ZDHHC14: variants seen among roughly 807,000 people sequenced by gnomAD.
ZDHHC14 encodes the protein palmitoyltransferase ZDHHC14.
Under a neutral mutation model 47.7 loss-of-function variants are expected in ZDHHC14, and 16 were observed. The ratio of observed to expected loss-of-function variants is 0.34; its 90% CI spans 0.23 to 0.51. ZDHHC14 has a LOEUF of 0.51. Ranked by LOEUF, ZDHHC14 falls within the 20% of genes least tolerant of loss-of-function variation. The pLI, the probability that ZDHHC14 is intolerant of heterozygous loss-of-function variation, is 0.97. For synonymous variants in ZDHHC14, 293 were observed against 278.9 expected, an observed-to-expected ratio of 1.05 and a Z score of -0.50; for missense variants, 515 against 662.5, an observed-to-expected ratio of 0.78 and a Z score of 2.44.
At chr6:157,601,924 C>G (rs961219211) in intron 3 of ZDHHC14, among the ~76,000 whole-genome samples, 8 of 152,196 alleles carry the variant, frequency 5.3e-5, no homozygotes, top group African/African-American at 1.9e-4. Context: ...GCATTCAGGG[C>G]TGGGCGCGGT....
chr6:157,580,793 T>C (rs1783490255), intron 2 of ZDHHC14, among the ~76,000 whole-genome samples: 4 of 152,046 alleles, frequency 2.6e-5, no homozygotes. Context: ...CATTTCTAAT[T>C]GTGTTAATTT....
chr6:157,417,050 G>A (rs1289020470), intron 1 of ZDHHC14, among the ~76,000 whole-genome samples: 1 of 129,588 alleles, frequency 7.7e-6, no homozygotes, highest in Non-Finnish European at 1.5e-5. Flanking sequence ...GGCTGGTCTC[G>A]AACTCCTGAC....
At chr6:157,634,707 C>A (rs1457710095) in intron 5 of ZDHHC14, among the ~76,000 whole-genome samples, 1 of 152,274 alleles carries the variant, frequency 6.6e-6, no homozygotes, top group Non-Finnish European at 1.5e-5. Flanking sequence ...CTTCAGCCAA[C>A]TCCCCCCAAT....
intron 2 of ZDHHC14, among the ~76,000 whole-genome samples, chr6:157,569,436 A>C (rs918064752): frequency 6.6e-6 from 1 of 152,136 alleles, no homozygotes; most frequent in East Asian, 1.9e-4. Context: ...TTTATCAGAT[A>C]CTAAGTCTTA....
rs554286504 is a variant in ZDHHC14 at position 157,662,525 on chromosome 6, C to T, written c.1068+8898C>T. Among the ~76,000 whole-genome samples, 330 of 152,384 alleles carry T rather than the reference C, an allele frequency of 2.2e-3. 2 individuals carry two copies. Among genetic ancestry groups the T allele is most frequent in the African/African-American group, 7.5e-3 (313 of 41,586 alleles). On this transcript the variant is annotated intron_variant, in intron 8 of 8. Transcript: ENST00000359775. ...GTTCAGTTGAATGTATGTGCAAATTCCCCTCACAGGGGCTCGCACACAGGA... is the reference window on the plus strand; with the variant it reads ...GTTCAGTTGAATGTATGTGCAAATTTCCCTCACAGGGGCTCGCACACAGGA...
chr6:157,498,214 A>G (rs1780111211), intron 1 of ZDHHC14, among the ~76,000 whole-genome samples: 1 of 151,554 alleles, frequency 6.6e-6, no homozygotes, highest in African/African-American at 2.4e-5. Flanking sequence ...AGGTGGGCGG[A>G]TCTCTTAAGG....
intron 2 of ZDHHC14, among the ~76,000 whole-genome samples, chr6:157,574,136 C>T (rs573594278): frequency 1.2e-4 from 18 of 151,346 alleles, no homozygotes; most frequent in African/African-American, 3.6e-4. Context: ...TTTAAACATA[C>T]GAGATGCCAG....
intron 2 of ZDHHC14, among the ~76,000 whole-genome samples, chr6:157,591,752 G>A (rs373710298): frequency 2.6e-4 from 39 of 152,324 alleles, no homozygotes; most frequent in African/African-American, 7.9e-4. Flanking sequence ...CTGAGTGGGT[G>A]ATGGGACTGA....
chr6:157,648,498 A>G (rs1777667757), intron 7 of ZDHHC14, among the ~76,000 whole-genome samples: 1 of 94,918 alleles, frequency 1.1e-5, no homozygotes, highest in Non-Finnish European at 2.0e-5. Flanking sequence ...TTGAGTTATT[A>G]CTTTGAGTCA....
At chr6:157,573,564 C>T (rs1182998781) in intron 2 of ZDHHC14, among the ~76,000 whole-genome samples, 1 of 152,196 alleles carries the variant, frequency 6.6e-6, no homozygotes, top group Non-Finnish European at 1.5e-5. Context: ...CCCTGCTGCC[C>T]ACCCTGGCTC....
chr6:157,594,331 A>G (rs917511586), intron 3 of ZDHHC14, among the ~76,000 whole-genome samples: 2 of 152,142 alleles, frequency 1.3e-5, no homozygotes, highest in South Asian at 4.2e-4. Flanking sequence ...TGCCTCCCCA[A>G]CAGAACAGTA....
At position 157,641,430 on chromosome 6, in the gene ZDHHC14, CTG is replaced by C. The variant is rs576118621; in HGVS notation, c.753-4305_753-4304del. 1.4e-4 allele frequency among the ~76,000 whole-genome samples: 21 copies of C among 152,308 alleles called. No individual in the cohort carries two copies. In the South Asian group the frequency reaches 2.7e-3, roughly 20 times the overall value. ...ATTCGATGAAAAGAAAAATATTACA[CTG>C]TTTTAATTTCCATTTTCTGGATAAT... On this transcript the variant is annotated intron_variant, in intron 5 of 8. Transcript: ENST00000359775.
intron 2 of ZDHHC14, among the ~76,000 whole-genome samples, chr6:157,578,085 T>C (rs1021362377): frequency 6.6e-6 from 1 of 152,210 alleles, no homozygotes; most frequent in Non-Finnish European, 1.5e-5. Flanking sequence ...TTACAGATTA[T>C]GGATATTACA....
chr6:157,614,166 C>T lies in ZDHHC14; in HGVS notation c.566-14183C>T, dbSNP rs141700006. On this transcript the variant is annotated intron_variant, in intron 3 of 8. Coordinates refer to ENST00000359775, the MANE Select transcript of ZDHHC14 (RefSeq NM_024630.3). ...TGGGGGGGCGGGGAGTGCAAAAGGC[C>T]AGGACCCAAGTTCAAGTCCTGTGCC... Among the ~76,000 whole-genome samples, 168 of 152,256 alleles carry T rather than the reference C, an allele frequency of 1.1e-3. 2 individuals are homozygous for T. The highest frequency in any genetic ancestry group is 3.9e-3 in the African/African-American group (161 of 41,554).
intron 1 of ZDHHC14, among the ~76,000 whole-genome samples, chr6:157,477,896 T>C (rs1168547197): frequency 1.3e-5 from 2 of 152,262 alleles, no homozygotes; most frequent in African/African-American, 4.8e-5. Context: ...ATTTGAGTTT[T>C]GTCATACTGT....
chr6:157,634,420 GTCC>G (rs1776864581), intron 5 of ZDHHC14, among the ~76,000 whole-genome samples: 1 of 152,142 alleles, frequency 6.6e-6, no homozygotes, highest in East Asian at 1.9e-4. Flanking sequence ...AGCGAGAAAT[GTCC>G]TCCTCCGTTC....
intron 7 of ZDHHC14, among the ~76,000 whole-genome samples, chr6:157,652,404 C>T (rs1269821548): frequency 2.6e-5 from 4 of 152,166 alleles, no homozygotes; most frequent in Admixed American, 6.5e-5. Flanking sequence ...TGCAGAGCAC[C>T]TGGGGAAGAT....
At chr6:157,495,531 A>G (rs1005291971) in intron 1 of ZDHHC14, among the ~76,000 whole-genome samples, 2 of 152,088 alleles carry the variant, frequency 1.3e-5, no homozygotes, top group Admixed American at 1.3e-4. Flanking sequence ...AAGCAGGACA[A>G]CAAACCCAGA....
At chr6:157,516,950 GT>G (rs772379726) in intron 1 of ZDHHC14, among the ~76,000 whole-genome samples, 10 of 152,136 alleles carry the variant, frequency 6.6e-5, no homozygotes, top group Non-Finnish European at 8.8e-5. Context: ...TTTTTTTATT[GT>G]TTTCATTTCA....
Sources: allele counts gnomAD v4.1 joint callset (sites outside exome capture counted in the v4.1 genomes callset), GRCh38; gene constraint gnomAD v4.1.1; transcripts MANE v1.5; gene names NCBI Gene and HGNC (gene_info 2026-07-23, HGNC 2026-07-21).